Variants in NRXN1 observed in about 807,000 individuals in gnomAD.
The protein encoded by NRXN1 is neurexin 1.
NRXN1 carries 39 observed loss-of-function variants against 150.9 expected under a neutral mutation model. The ratio of observed to expected loss-of-function variants is 0.26; its 90% CI spans 0.20 to 0.34. The LOEUF (loss-of-function observed/expected upper bound fraction) is 0.34, where lower values mean the gene tolerates loss of function less well. Ranked by LOEUF, NRXN1 falls within the 10% of genes least tolerant of loss-of-function variation. The pLI is 1.00. For synonymous variants in NRXN1, 924 were observed against 757.0 expected (o/e 1.22, Z -3.62); for missense variants, 1,815 against 1,949.9 (o/e 0.93, Z 1.30).
chr2:50,211,871 C>A (rs7560239), intron 18 of NRXN1, among the ~76,000 whole-genome samples: 57,735 of 150,840 alleles, frequency 0.38, 11,454 homozygotes, highest in Non-Finnish European at 0.43. Flanking sequence ...ACAGGAAATA[C>A]GTGTTCTTCG....
intron 21 of NRXN1, among the ~76,000 whole-genome samples, chr2:50,045,268 C>T (rs1028508959): frequency 6.6e-6 from 1 of 152,086 alleles, no homozygotes; most frequent in African/African-American, 2.4e-5. Flanking sequence ...GTTTTTTGAA[C>T]AAGCTTAATG....
chr2:50,378,536 G>T (rs2080698509), intron 17 of NRXN1, among the ~76,000 whole-genome samples: 1 of 152,130 alleles, frequency 6.6e-6, no homozygotes, highest in Non-Finnish European at 1.5e-5. Flanking sequence ...GCTACCAGCT[G>T]CTGTCCAGCA....
At chr2:49,968,075 C>T (rs998421093) in intron 21 of NRXN1, among the ~76,000 whole-genome samples, 1 of 151,404 alleles carries the variant, frequency 6.6e-6, no homozygotes, top group Non-Finnish European at 1.5e-5. Flanking sequence ...ATTGTTTCAC[C>T]TAAGGCCAGA....
intron 5 of NRXN1, among the ~76,000 whole-genome samples, chr2:50,842,303 G>T (rs534928357): frequency 2.0e-5 from 3 of 152,180 alleles, no homozygotes; most frequent in Non-Finnish European, 4.4e-5. Context: ...GAACAGTGAG[G>T]AGCAGAAGGA....
intron 22 of NRXN1, chr2:49,926,138 G>A (rs1669070854): frequency 2.6e-6 from 1 of 386,400 alleles, no homozygotes; most frequent in Non-Finnish European, 4.6e-6. Flanking sequence ...TGATTTGGAA[G>A]CTAATGATTA....
At chr2:50,876,653 T>C (rs986860220) in intron 5 of NRXN1, among the ~76,000 whole-genome samples, 1 of 151,852 alleles carries the variant, frequency 6.6e-6, no homozygotes, top group Non-Finnish European at 1.5e-5. Context: ...TAAGAATCTG[T>C]AATTCTAATG....
chr2:49,958,797 A>G (rs1239543102), intron 21 of NRXN1, among the ~76,000 whole-genome samples: 6 of 152,180 alleles, frequency 3.9e-5, no homozygotes, highest in Admixed American at 6.5e-5. Flanking sequence ...TGAAAGCTCA[A>G]TCTAGCTTTT....
chr2:50,568,638 TAACA>T (rs1393906564), intron 8 of NRXN1, among the ~76,000 whole-genome samples: 1 of 151,902 alleles, frequency 6.6e-6, no homozygotes, highest in East Asian at 1.9e-4. Flanking sequence ...ACACAAGCAA[TAACA>T]AGTGATGGTG....
At chr2:50,548,554 G>T (rs77878130) in intron 9 of NRXN1, among the ~76,000 whole-genome samples, 2,434 of 151,746 alleles carry the variant, frequency 0.016, 88 homozygotes, top group East Asian at 0.13. Context: ...TTTTTTTAGA[G>T]TATCAGGGGT....
intron 16 of NRXN1, 77 bp downstream of exon 16, chr2:50,472,221 G>T (rs961001897): frequency 3.2e-6 from 4 of 1,257,010 alleles, no homozygotes; most frequent in Non-Finnish European, 4.2e-6. Flanking sequence ...TCAGAATTTT[G>T]CTGGACAGTG....
chr2:50,081,392 C>T (rs79877020), intron 19 of NRXN1, among the ~76,000 whole-genome samples: 41,316 of 151,610 alleles, frequency 0.27, 5,976 homozygotes, highest in East Asian at 0.4. Flanking sequence ...TCCTGGTCAA[C>T]GTGGTGAAAC....
chr2:50,056,984 C>A (rs962115614), intron 19 of NRXN1, among the ~76,000 whole-genome samples: 7 of 152,066 alleles, frequency 4.6e-5, no homozygotes, highest in African/African-American at 1.4e-4. Flanking sequence ...AGACACCATC[C>A]GAATCTAGGT....
chr2:50,544,291 A>C (rs1469820408), intron 9 of NRXN1, among the ~76,000 whole-genome samples: 1 of 152,062 alleles, frequency 6.6e-6, no homozygotes, highest in Non-Finnish European at 1.5e-5. Context: ...TAAAATATAT[A>C]ATTATCATAA....
At chr2:50,822,123 A>G (rs1188432409) in intron 5 of NRXN1, among the ~76,000 whole-genome samples, 2 of 152,144 alleles carry the variant, frequency 1.3e-5, no homozygotes, top group Non-Finnish European at 1.5e-5. Context: ...AAATAAGAAA[A>G]TAAAAACAAT....
chr2:50,844,166 C>T (rs1364399803), intron 5 of NRXN1, among the ~76,000 whole-genome samples: 1 of 152,124 alleles, frequency 6.6e-6, no homozygotes, highest in African/African-American at 2.4e-5. Flanking sequence ...CAGGCACATC[C>T]AGGCAGTCAC....
At chr2:50,857,341 G>A (rs1256705991) in intron 5 of NRXN1, among the ~76,000 whole-genome samples, 1 of 152,022 alleles carries the variant, frequency 6.6e-6, no homozygotes, top group Non-Finnish European at 1.5e-5. Flanking sequence ...AGCCAGTGGT[G>A]GCTACATGGC....
At chr2:49,978,846 C>T (rs767549215) in intron 21 of NRXN1, among the ~76,000 whole-genome samples, 2 of 152,132 alleles carry the variant, frequency 1.3e-5, no homozygotes, top group South Asian at 2.1e-4. Flanking sequence ...CCAACTCCTT[C>T]GTTTTAGAGA....
chr2:50,702,501 A>G (rs1186464088), intron 5 of NRXN1, among the ~76,000 whole-genome samples: 2 of 152,206 alleles, frequency 1.3e-5, no homozygotes, highest in African/African-American at 4.8e-5. Flanking sequence ...AATATAACTC[A>G]AAGAAGAACA....
intron 17 of NRXN1, among the ~76,000 whole-genome samples, chr2:50,348,336 C>G (rs10181684): frequency 0.14 from 21,973 of 151,764 alleles, 1,782 homozygotes; most frequent in African/African-American, 0.21. Flanking sequence ...GCAGAAGAGG[C>G]AGAAAGTGGA....
Sources: allele counts gnomAD v4.1 joint callset (sites outside exome capture counted in the v4.1 genomes callset), GRCh38; gene constraint gnomAD v4.1.1; transcripts MANE v1.5; gene names NCBI Gene and HGNC (gene_info 2026-07-23, HGNC 2026-07-21).